Variants in OXR1 observed in about 807,000 individuals in gnomAD.
The protein encoded by OXR1 is oxidation resistance protein 1.
OXR1 carries 41 observed loss-of-function variants against 104.6 expected under a neutral mutation model. The ratio of observed to expected loss-of-function variants is 0.39; its 90% CI spans 0.31 to 0.51. The LOEUF (loss-of-function observed/expected upper bound fraction) is 0.51, where lower values mean the gene tolerates loss of function less well. Among genes scored for constraint, OXR1 ranks in the 20% least tolerant of loss-of-function variants. The probability of loss-of-function intolerance (pLI) is 0.77; values close to 1 mark genes in which losing one functional copy is unlikely to be tolerated. For missense variants in OXR1, 955 were observed against 1,031.9 expected, an observed-to-expected ratio of 0.93 and a Z score of 1.02; for synonymous variants, 348 against 348.4, an observed-to-expected ratio of 1.00 and a Z score of 0.01.
At chr8:106,703,164 A>G in intron 8 of OXR1, 74 bp downstream of exon 8, 4 of 919,568 alleles carry the variant, frequency 4.3e-6, no homozygotes, top group Non-Finnish European at 6.5e-6. Flanking sequence ...TACCTTAACT[A>G]TTTTTACTAG....
At chr8:106,491,505 T>C (rs754222329) in intron 2 of OXR1, among the ~76,000 whole-genome samples, 6 of 152,230 alleles carry the variant, frequency 3.9e-5, no homozygotes, top group Non-Finnish European at 7.3e-5. Context: ...TGTGGTGATA[T>C]ATCTCATCTT....
At chr8:106,722,331 A>G (rs1832887675) in intron 11 of OXR1, among the ~76,000 whole-genome samples, 1 of 152,098 alleles carries the variant, frequency 6.6e-6, no homozygotes, top group African/African-American at 2.4e-5. Context: ...TTTTTTAAGT[A>G]TTCTTTTTTT....
intron 2 of OXR1, among the ~76,000 whole-genome samples, chr8:106,435,469 C>T (rs2844278): frequency 2.5e-4 from 38 of 151,934 alleles, no homozygotes; most frequent in Admixed American, 1.8e-3. Flanking sequence ...ATGAAAGGCA[C>T]GTGCCTGTTC....
chr8:106,489,656 A>G (rs1810944693), intron 2 of OXR1, among the ~76,000 whole-genome samples: 1 of 152,132 alleles, frequency 6.6e-6, no homozygotes, highest in Non-Finnish European at 1.5e-5. Flanking sequence ...TATTAAGGGA[A>G]TTGTTCTGAT....
chr8:106,487,583 C>T (rs1042869697), intron 2 of OXR1, among the ~76,000 whole-genome samples: 1 of 151,164 alleles, frequency 6.6e-6, no homozygotes, highest in Admixed American at 6.6e-5. Context: ...CCCCCCAACC[C>T]CACAACAGTC....
intron 1 of OXR1, among the ~76,000 whole-genome samples, chr8:106,317,009 T>C (rs2130162165): frequency 6.6e-6 from 1 of 152,218 alleles, no homozygotes; most frequent in South Asian, 2.1e-4. Context: ...TAGCTGGGAT[T>C]ACAGGCATGT....
At chr8:106,408,839 G>C (rs1004832440) in intron 2 of OXR1, among the ~76,000 whole-genome samples, 1 of 152,104 alleles carries the variant, frequency 6.6e-6, no homozygotes, top group African/African-American at 2.4e-5. Context: ...CAAGAAGCTG[G>C]AGCTGCTTGC....
chr8:106,637,323 G>A (rs536550882), intron 3 of OXR1, among the ~76,000 whole-genome samples: 1 of 149,364 alleles, frequency 6.7e-6, no homozygotes, highest in East Asian at 2.2e-4. Flanking sequence ...ACTTTAATGT[G>A]TGTGTGTATA....
At chr8:106,546,682 C>T (rs929108328) in intron 3 of OXR1, among the ~76,000 whole-genome samples, 1 of 152,084 alleles carries the variant, frequency 6.6e-6, no homozygotes, top group Admixed American at 6.5e-5. Flanking sequence ...GTCAGTAAAT[C>T]AGTGCTCTAC....
intron 2 of OXR1, among the ~76,000 whole-genome samples, chr8:106,477,818 T>G (rs977689587): frequency 1.3e-5 from 2 of 151,932 alleles, no homozygotes; most frequent in Admixed American, 6.6e-5. Flanking sequence ...TTATTATTGG[T>G]GATAGTATTG....
intron 16 of OXR1, among the ~76,000 whole-genome samples, chr8:106,746,773 A>G (rs7845537): frequency 0.028 from 4,280 of 152,240 alleles, 209 homozygotes; most frequent in African/African-American, 0.099. Flanking sequence ...ATGTATTTAC[A>G]TGGTCCAATT....
At chr8:106,715,631 C>T (rs1310969064) in intron 11 of OXR1, among the ~76,000 whole-genome samples, 1 of 151,976 alleles carries the variant, frequency 6.6e-6, no homozygotes, top group Non-Finnish European at 1.5e-5. Context: ...ACACAGGATT[C>T]AGTGACAACC....
chr8:106,644,041 C>T (rs1250868924), intron 3 of OXR1, among the ~76,000 whole-genome samples: 1 of 151,936 alleles, frequency 6.6e-6, no homozygotes, highest in Non-Finnish European at 1.5e-5. Flanking sequence ...TTTACAAGTT[C>T]AAATTTACAT....
chr8:106,448,187 A>AAATCCATCTGTT, intron 2 of OXR1: 12 of 1,079,150 alleles, frequency 1.1e-5, no homozygotes, highest in Non-Finnish European at 1.5e-5. Flanking sequence ...GACCAAACAG[A>AAATCCATCTGTT]TGGATTTCTG....
chr8:106,718,745 A>C (rs1040369483), intron 11 of OXR1, among the ~76,000 whole-genome samples: 39 of 151,614 alleles, frequency 2.6e-4, no homozygotes, highest in Admixed American at 2.4e-3. Context: ...AGGCTGAGGC[A>C]GGAGAATGGC....
chr8:106,618,099 CCT>C, intron 3 of OXR1: 1 of 1,535,886 alleles, frequency 6.5e-7, no homozygotes, highest in Non-Finnish European at 8.7e-7. Context: ...AATCAAAATT[CCT>C]GTCTCCTCTT....
intron 11 of OXR1, among the ~76,000 whole-genome samples, chr8:106,736,298 G>C (rs1321426005): frequency 6.6e-6 from 1 of 151,980 alleles, no homozygotes; most frequent in African/African-American, 2.4e-5. Flanking sequence ...ATGGAAATCT[G>C]TCCAGCCTCT....
chr8:106,659,156 C>T (rs975348105), intron 3 of OXR1, among the ~76,000 whole-genome samples: 42 of 152,206 alleles, frequency 2.8e-4, no homozygotes, highest in African/African-American at 8.9e-4. Context: ...GATGGAGTCT[C>T]GCTGTGTTGC....
At chr8:106,587,718 C>G (rs1292918695) in intron 3 of OXR1, among the ~76,000 whole-genome samples, 2 of 152,116 alleles carry the variant, frequency 1.3e-5, no homozygotes, top group African/African-American at 4.8e-5. Flanking sequence ...TCCTTCCCTC[C>G]TCTTCATGAA....
Sources: gnomAD v4.1 joint callset for allele counts (sites outside exome capture counted in the v4.1 genomes callset) on GRCh38, gnomAD v4.1.1 for gene constraint, MANE v1.5 for transcripts, NCBI Gene and HGNC (gene_info 2026-07-23, HGNC 2026-07-21) for gene names.